Variants in ITGB8 observed in about 807,000 individuals in gnomAD.
ITGB8 encodes integrin beta-8.
Under a neutral mutation model 89.5 loss-of-function variants are expected in ITGB8, and 30 were observed. That is an observed-to-expected ratio of 0.34 (90% CI 0.25 to 0.45). The LOEUF is 0.45. Among genes scored for constraint, ITGB8 ranks in the 20% least tolerant of loss-of-function variants. The pLI, the probability that ITGB8 is intolerant of heterozygous loss-of-function variation, is 1.00. For missense variants in ITGB8, 836 were observed against 933.3 expected (o/e 0.90, Z 1.36); for synonymous variants, 335 against 320.4 (o/e 1.05, Z -0.49).
intron 5 of ITGB8, 134 bp from the exon 6 acceptor site, chr7:20,381,593 C>G (rs1323402089): frequency 5.0e-6 from 3 of 600,304 alleles, no homozygotes; most frequent in Non-Finnish European, 8.6e-6. Flanking sequence ...ATTTACGCAG[C>G]AGCGTTGTAC....
chr7:20,398,523 C>CG (rs1787179840), intron 8 of ITGB8, among the ~76,000 whole-genome samples: 1 of 152,138 alleles, frequency 6.6e-6, no homozygotes, highest in African/African-American at 2.4e-5. Flanking sequence ...GGTTTAATTA[C>CG]ACTTTATCAT....
At chr7:20,370,641 C>T (rs545491245) in intron 3 of ITGB8, among the ~76,000 whole-genome samples, 1 of 149,584 alleles carries the variant, frequency 6.7e-6, no homozygotes, top group South Asian at 2.1e-4. Context: ...GACGGAGTCT[C>T]CCTCTGTCAC....
Position 20,371,783 on chromosome 7 carries a change from A to T in ITGB8, c.388+4597A>T, listed in dbSNP as rs186388039. The stretch of plus-strand genomic sequence containing the variant: ...GTATATAACCGCATATTTATTTAGC[A>T]TGCATTCCTGGCAGTAGATCTGCTA... On this transcript the variant is annotated intron_variant, in intron 3 of 13. Coordinates refer to ENST00000222573, the MANE Select transcript of ITGB8 (RefSeq NM_002214.3). Among the ~76,000 whole-genome samples the T allele has an allele frequency of 1.2e-4, 19 of 152,322 alleles. No individual in the cohort carries two copies. The East Asian group carries it at 2.7e-3, about 22-fold the overall frequency.
intron 12 of ITGB8, among the ~76,000 whole-genome samples, chr7:20,406,499 G>A (rs771399707): frequency 5.3e-5 from 8 of 151,312 alleles, no homozygotes; most frequent in Non-Finnish European, 8.8e-5. Flanking sequence ...GCAATGAGCT[G>A]AGATCATGCC....
At chr7:20,369,923 A>G (rs982873153) in intron 3 of ITGB8, among the ~76,000 whole-genome samples, 10 of 152,122 alleles carry the variant, frequency 6.6e-5, no homozygotes, top group African/African-American at 1.9e-4. Flanking sequence ...ACTTCAAAAT[A>G]TACAGGTTGT....
At position 20,415,367 on chromosome 7, in the gene ITGB8, A is replaced by C. The variant is rs1787894237; in HGVS notation, c.*5370A>C. The C allele has an allele frequency of 6.6e-6, 1 of 151,876 alleles. No individual in the cohort carries two copies. The highest frequency in any genetic ancestry group is 2.4e-5 in the African/African-American group (1 of 41,440). The allele number at this position is 151,876 out of a possible 1,614,324, so 9.4% of individuals were successfully genotyped here. The stretch of plus-strand genomic sequence containing the variant: ...ACGAATACTGCGTTTGTAAAAATAA[A>C]TTTAATATAGAATATATTTTTAAAT... On this transcript the variant is annotated 3_prime_UTR_variant, in exon 14 of 14. Coordinates refer to ENST00000222573, the MANE Select transcript of ITGB8 (RefSeq NM_002214.3).
At chr7:20,390,185 G>A (rs1046114740) in intron 6 of ITGB8, among the ~76,000 whole-genome samples, 1 of 152,072 alleles carries the variant, frequency 6.6e-6, no homozygotes, top group Non-Finnish European at 1.5e-5. Flanking sequence ...GAGTGCAGTG[G>A]GAAGCAAAAA....
chr7:20,340,064 C>T (rs537343125), intron 1 of ITGB8, among the ~76,000 whole-genome samples: 1 of 152,284 alleles, frequency 6.6e-6, no homozygotes, highest in East Asian at 1.9e-4. Context: ...GTTTTATAAA[C>T]AGCATATAGG....
In ITGB8 at chr7:20,412,850, T is replaced by C. The variant is rs75529310; in HGVS notation, c.*2853T>C. On this transcript the variant is annotated 3_prime_UTR_variant, in exon 14 of 14. Coordinates refer to ENST00000222573, the MANE Select transcript of ITGB8 (RefSeq NM_002214.3). ...CACAGGGTACTCTTAGGTTAAATAA[T>C]GTATGCAAATAGAGTCTATTTTCAA... 0.019 allele frequency: 2,947 copies of C among 152,750 alleles called. 48 individuals carry two copies. The highest frequency in any genetic ancestry group is 0.028 in the Non-Finnish European group (1,929 of 67,998). The allele number at this position is 152,750 out of a possible 1,614,324, so 9.5% of individuals were successfully genotyped here. A position where few individuals can be genotyped will look rare whatever the true frequency, so the allele number is the denominator to read the frequency against.
At chr7:20,350,009 CTT>C (rs1198388146) in intron 1 of ITGB8, among the ~76,000 whole-genome samples, 1 of 152,200 alleles carries the variant, frequency 6.6e-6, no homozygotes, top group Non-Finnish European at 1.5e-5. Context: ...GCTCATGCCT[CTT>C]TGCTGACAGT....
At position 20,412,661 on chromosome 7, in the gene ITGB8, C is replaced by G. The variant is rs1188390019; in HGVS notation, c.*2664C>G. On this transcript the variant is annotated 3_prime_UTR_variant, in exon 14 of 14. Transcript: ENST00000222573. Reference sequence around the variant, plus strand: ...GTGTTAGACGATGATTGTGGTTATGCTTGCAAAGTCTTGTGCTTATCTTTT... The same window carrying G: ...GTGTTAGACGATGATTGTGGTTATGGTTGCAAAGTCTTGTGCTTATCTTTT... 2 of 152,494 alleles carry G rather than the reference C, an allele frequency of 1.3e-5. No homozygotes were observed. 9.4% of individuals were successfully genotyped at this position (152,494 alleles called of 1,614,324 possible).
At chr7:20,384,159 C>G (rs1367208998) in intron 6 of ITGB8, among the ~76,000 whole-genome samples, 1 of 152,120 alleles carries the variant, frequency 6.6e-6, no homozygotes, top group Non-Finnish European at 1.5e-5. Flanking sequence ...TCAAAATGAC[C>G]TCTATCCTCC....
intron 1 of ITGB8, among the ~76,000 whole-genome samples, chr7:20,362,566 C>G (rs1439172627): frequency 2.6e-5 from 4 of 152,170 alleles, no homozygotes; most frequent in African/African-American, 9.6e-5. Context: ...TCTTCTAGCA[C>G]TTTGGTGAAA....
At chr7:20,348,116 T>C (rs1784990010) in intron 1 of ITGB8, among the ~76,000 whole-genome samples, 1 of 152,228 alleles carries the variant, frequency 6.6e-6, no homozygotes, top group South Asian at 2.1e-4. Context: ...ATCTTCTCTA[T>C]AATATAATGG....
At chr7:20,400,205 T>G (rs1476520390) in intron 9 of ITGB8, among the ~76,000 whole-genome samples, 1 of 151,940 alleles carries the variant, frequency 6.6e-6, no homozygotes, top group African/African-American at 2.4e-5. Flanking sequence ...TCTTAGCTTT[T>G]ACATTGTTTT....
chr7:20,344,913 A>T (rs79139898), intron 1 of ITGB8, among the ~76,000 whole-genome samples: 1,642 of 152,342 alleles, frequency 0.011, 13 homozygotes, highest in Non-Finnish European at 0.017. Flanking sequence ...ATGGCAGGGA[A>T]CCAAACAAAA....
intron 6 of ITGB8, among the ~76,000 whole-genome samples, chr7:20,389,107 A>G (rs1355531820): frequency 1.3e-5 from 2 of 152,186 alleles, no homozygotes; most frequent in Non-Finnish European, 2.9e-5. Context: ...GTGTCTTTAT[A>G]GTAGAATGAT....
intron 3 of ITGB8, among the ~76,000 whole-genome samples, chr7:20,367,649 G>A (rs926442287): frequency 6.6e-6 from 1 of 150,516 alleles, no homozygotes; most frequent in African/African-American, 2.5e-5. Flanking sequence ...ACCAACTTGT[G>A]ATTAAAAGTT....
At chr7:20,390,166 A>G (rs574284757) in intron 6 of ITGB8, among the ~76,000 whole-genome samples, 18 of 152,178 alleles carry the variant, frequency 1.2e-4, no homozygotes, top group Non-Finnish European at 2.2e-4. Context: ...AAATACAGTT[A>G]ACATTGGAGA....
Sources: allele counts gnomAD v4.1 joint callset (sites outside exome capture counted in the v4.1 genomes callset), GRCh38; gene constraint gnomAD v4.1.1; transcripts MANE v1.5; gene names NCBI Gene and HGNC (gene_info 2026-07-23, HGNC 2026-07-21).